The following CHSY3 variants were observed in gnomAD, a reference collection of about 807,000 sequenced individuals.
CHSY3 encodes the protein N-acetylgalactosaminyl-proteoglycan 3-beta-glucuronosyltransferase 3.
CHSY3 carries 35 observed loss-of-function variants against 67.2 expected under a neutral mutation model. The ratio of observed to expected loss-of-function variants is 0.52; its 90% CI spans 0.40 to 0.69. The LOEUF (loss-of-function observed/expected upper bound fraction) is 0.69. CHSY3 is among the 30% of genes least tolerant of loss of function. CHSY3 has a pLI of 0.00. For synonymous variants in CHSY3, 474 were observed against 434.7 expected (o/e 1.09, Z -1.12); for missense variants, 1,069 against 1,138.5 (o/e 0.94, Z 0.88).
intron 2 of CHSY3, among the ~76,000 whole-genome samples, chr5:130,133,076 G>A (rs913168152): frequency 6.6e-6 from 1 of 152,182 alleles, no homozygotes; most frequent in African/African-American, 2.4e-5. Context: ...GGAAATCTGT[G>A]TAATATGGGT....
chr5:130,177,470 C>T (rs566167447), intron 2 of CHSY3, among the ~76,000 whole-genome samples: 1 of 152,102 alleles, frequency 6.6e-6, no homozygotes, highest in South Asian at 2.1e-4. Context: ...AAAGATAGTT[C>T]TTTGAGGTAC....
chr5:130,081,678 G>A (rs1766452180), intron 2 of CHSY3, among the ~76,000 whole-genome samples: 1 of 151,878 alleles, frequency 6.6e-6, no homozygotes, highest in African/African-American at 2.4e-5. Context: ...GAGATCTGAT[G>A]GTTTTATAAA....
intron 2 of CHSY3, among the ~76,000 whole-genome samples, chr5:129,998,933 T>G (rs1304318226): frequency 6.6e-6 from 1 of 152,106 alleles, no homozygotes; most frequent in Non-Finnish European, 1.5e-5. Flanking sequence ...TAGTTATTAC[T>G]CTTTTCTATT....
chr5:130,105,133 T>TATGAG (rs1767374305), intron 2 of CHSY3, among the ~76,000 whole-genome samples: 1 of 151,664 alleles, frequency 6.6e-6, no homozygotes, highest in Admixed American at 6.6e-5. Context: ...AAAGTATGAA[T>TATGAG]ATGAGATGAA....
chr5:130,139,433 C>T (rs1355783362), intron 2 of CHSY3, among the ~76,000 whole-genome samples: 1 of 152,200 alleles, frequency 6.6e-6, no homozygotes, highest in Non-Finnish European at 1.5e-5. Flanking sequence ...TCTATGTGAG[C>T]TCCAGATTAG....
chr5:130,055,131 TG>T (rs1441203279), intron 2 of CHSY3, among the ~76,000 whole-genome samples: 2 of 152,126 alleles, frequency 1.3e-5, no homozygotes, highest in African/African-American at 4.8e-5. Flanking sequence ...GATAGGAAAA[TG>T]AAGTGCAGCA....
At chr5:130,031,486 G>T (rs1015941696) in intron 2 of CHSY3, among the ~76,000 whole-genome samples, 1 of 152,012 alleles carries the variant, frequency 6.6e-6, no homozygotes, top group African/African-American at 2.4e-5. Flanking sequence ...TTCCAAGATG[G>T]GTGGGTATTT....
rs572140830 is a variant in CHSY3 at position 130,146,855 on chromosome 5, G to A, written c.1087-37374G>A. Among the ~76,000 whole-genome samples the A allele has an allele frequency of 5.9e-5, 9 of 151,956 alleles. No individual in the cohort carries two copies. In the South Asian group the frequency reaches 6.2e-4, roughly 11 times the overall value. ...TTTGCCCAGGCTGGAGTGCAATGGCGCGATCTTGGCTCACTGCAACCTCCA... is the reference window on the plus strand; with the variant it reads ...TTTGCCCAGGCTGGAGTGCAATGGCACGATCTTGGCTCACTGCAACCTCCA... On this transcript the variant is annotated intron_variant, in intron 2 of 2. Coordinates refer to ENST00000305031, the MANE Select transcript of CHSY3 (RefSeq NM_175856.5).
intron 2 of CHSY3, among the ~76,000 whole-genome samples, chr5:130,100,848 A>G (rs927810205): frequency 6.6e-6 from 1 of 152,156 alleles, no homozygotes. Flanking sequence ...CAACCCTCTT[A>G]AGTCTTAGAA....
At chr5:130,035,022 GTTC>G (rs1199023307) in intron 2 of CHSY3, among the ~76,000 whole-genome samples, 1 of 152,110 alleles carries the variant, frequency 6.6e-6, no homozygotes, top group Non-Finnish European at 1.5e-5. Context: ...CAGCAAGTAA[GTTC>G]TTTTAAGTGA....
chr5:130,068,243 G>A (rs1298600663), intron 2 of CHSY3, among the ~76,000 whole-genome samples: 1 of 152,088 alleles, frequency 6.6e-6, no homozygotes, highest in Non-Finnish European at 1.5e-5. Flanking sequence ...ATACACTTGA[G>A]TTTCCCATGA....
chr5:130,173,730 T>C (rs1454015673), intron 2 of CHSY3, among the ~76,000 whole-genome samples: 1 of 152,164 alleles, frequency 6.6e-6, no homozygotes, highest in Non-Finnish European at 1.5e-5. Context: ...ATTCAAGCTG[T>C]ATACGCTCTT....
chr5:129,971,325 A>G (rs1184319986), intron 2 of CHSY3, among the ~76,000 whole-genome samples: 2 of 151,864 alleles, frequency 1.3e-5, no homozygotes, highest in Non-Finnish European at 2.9e-5. Flanking sequence ...TTTTAAAGAT[A>G]TGAAATAATA....
chr5:130,002,163 T>C, intron 2 of CHSY3: 1 of 618,890 alleles, frequency 1.6e-6, no homozygotes, highest in Non-Finnish European at 2.0e-6. Flanking sequence ...TTCCACCTTG[T>C]ATGCCATAGG....
intron 2 of CHSY3, among the ~76,000 whole-genome samples, chr5:129,910,158 A>G (rs560711490): frequency 6.6e-6 from 1 of 151,992 alleles, no homozygotes; most frequent in Admixed American, 6.5e-5. Context: ...CACCCTGTCT[A>G]TTAGAATAAG....
intron 2 of CHSY3, among the ~76,000 whole-genome samples, chr5:130,115,790 C>T (rs1177924691): frequency 6.6e-6 from 1 of 152,172 alleles, no homozygotes; most frequent in Non-Finnish European, 1.5e-5. Context: ...AGTCTGAGCT[C>T]AGCCGGATTA....
chr5:130,119,160 A>C (rs1023972697), intron 2 of CHSY3, among the ~76,000 whole-genome samples: 1 of 152,144 alleles, frequency 6.6e-6, no homozygotes, highest in Non-Finnish European at 1.5e-5. Context: ...TGAGGTGCAG[A>C]GAGGATATAT....
Position 130,143,815 on chromosome 5 carries a change from T to TAC in CHSY3, c.1087-40413_1087-40412insCA, listed in dbSNP as rs1182618017. ...ATATATATATATATATGTGTGTATA[T>TAC]ATATATATATATATATATATATATA... is the stretch of plus-strand genomic sequence containing the variant. On this transcript the variant is annotated intron_variant, in intron 2 of 2. Transcript: ENST00000305031. Among the ~76,000 whole-genome samples the TAC allele has an allele frequency of 4.1e-4, 38 of 92,926 alleles. 2 individuals are homozygous for TAC. Among genetic ancestry groups the TAC allele is most frequent in the Non-Finnish European group, 6.5e-4 (30 of 46,412 alleles). The allele number at this position is 92,926 out of a possible 152,430, so 61.0% of individuals were successfully genotyped here.
chr5:130,103,886 C>A (rs187075178), intron 2 of CHSY3, among the ~76,000 whole-genome samples: 1 of 151,962 alleles, frequency 6.6e-6, no homozygotes, highest in East Asian at 1.9e-4. Context: ...GAACTAGTGA[C>A]CATACATTGT....
Sources: allele counts gnomAD v4.1 joint callset (sites outside exome capture counted in the v4.1 genomes callset), GRCh38; gene constraint gnomAD v4.1.1; transcripts MANE v1.5; gene names NCBI Gene and HGNC (gene_info 2026-07-23, HGNC 2026-07-21).